The following C12orf50 variants were observed in gnomAD, a reference collection of about 807,000 sequenced individuals.
C12orf50 encodes uncharacterized protein C12orf50.
C12orf50 carries 35 observed loss-of-function variants against 61.6 expected under a neutral mutation model. The observed-to-expected ratio is 0.57, with a 90% confidence interval of 0.43 to 0.75. C12orf50 has a LOEUF of 0.75. Ranked by LOEUF, C12orf50 falls within the 30% of genes least tolerant of loss-of-function variation. C12orf50 has a pLI of 0.00. For missense variants in C12orf50, 475 were observed against 488.5 expected (o/e 0.97, Z 0.26); for synonymous variants, 178 against 161.5 (o/e 1.10, Z -0.77).
At chr12:88,009,164 T>C (rs543523217) in intron 3 of C12orf50, among the ~76,000 whole-genome samples, 1 of 152,232 alleles carries the variant, frequency 6.6e-6, no homozygotes, top group Admixed American at 6.5e-5. Flanking sequence ...GGATATATGC[T>C]TCAAAAGTGG....
intron 3 of C12orf50, among the ~76,000 whole-genome samples, chr12:88,012,341 C>CCATAAATACCATAA (rs1224771301): frequency 6.6e-6 from 1 of 152,144 alleles, no homozygotes; most frequent in Admixed American, 6.5e-5. Context: ...TAAATACCTC[C>CCATAAATACCATAA]ATAGCTAGAA....
At chr12:88,011,861 C>T (rs1258272650) in intron 3 of C12orf50, among the ~76,000 whole-genome samples, 2 of 152,148 alleles carry the variant, frequency 1.3e-5, no homozygotes, top group Admixed American at 6.5e-5. Flanking sequence ...TTCCAGTTTT[C>T]CCTTAAATCA....
intron 3 of C12orf50, among the ~76,000 whole-genome samples, chr12:88,019,137 C>G (rs1274983337): frequency 2.6e-5 from 4 of 152,148 alleles, no homozygotes; most frequent in Non-Finnish European, 5.9e-5. Context: ...TGAATTGTAA[C>G]TCCCACAATT....
intron 3 of C12orf50, among the ~76,000 whole-genome samples, chr12:88,012,252 T>G (rs979600497): frequency 6.6e-6 from 1 of 152,204 alleles, no homozygotes; most frequent in African/African-American, 2.4e-5. Context: ...TTCTATGCTT[T>G]GTCAATTTTC....
chr12:88,022,283 C>T (rs2032544750), intron 3 of C12orf50, among the ~76,000 whole-genome samples: 1 of 151,958 alleles, frequency 6.6e-6, no homozygotes, highest in Admixed American at 6.6e-5. Flanking sequence ...GCAGAAAAGG[C>T]TTTTAATAAA....
chr12:88,018,787 C>G (rs2032406011), intron 3 of C12orf50, among the ~76,000 whole-genome samples: 2 of 152,210 alleles, frequency 1.3e-5, no homozygotes, highest in South Asian at 4.1e-4. Context: ...TAAGATTTGT[C>G]TGCCCTGCTG....
chr12:88,005,867 A>G (rs918071925), intron 3 of C12orf50, among the ~76,000 whole-genome samples: 1 of 146,562 alleles, frequency 6.8e-6, no homozygotes, highest in African/African-American at 2.5e-5. Flanking sequence ...GATCAGAAGT[A>G]GTAGACTAAA....
intron 3 of C12orf50, among the ~76,000 whole-genome samples, chr12:88,021,726 A>C (rs2032524003): frequency 6.6e-6 from 1 of 152,148 alleles, no homozygotes; most frequent in Non-Finnish European, 1.5e-5. Flanking sequence ...CTATGGGTAC[A>C]AACTAGAAAA....
At position 87,985,986 on chromosome 12, in the gene C12orf50, C is replaced by T. The variant is rs2030797601; in HGVS notation, c.990G>A (p.Glu330=). Residue 330 remains glutamate (E), a synonymous_variant, in exon 11 of 13, where the codon GAG becomes GAA. Coordinates refer to ENST00000298699, the MANE Select transcript of C12orf50 (RefSeq NM_152589.3). ...TTTGAACGTGGATATAGGATGCATT[C>T]TCCGCATTTCGATTTTTATTATTGC... ...YHRNNKNRNA[E]NASYIHVQRD... 3 of 1,613,760 alleles carry T rather than the reference C, an allele frequency of 1.9e-6. No homozygotes were observed. Among genetic ancestry groups the T allele is most frequent in the South Asian group, 1.1e-5 (1 of 91,084 alleles).
chr12:88,008,935 T>A (rs187329063), intron 3 of C12orf50, among the ~76,000 whole-genome samples: 1 of 152,176 alleles, frequency 6.6e-6, no homozygotes, highest in Non-Finnish European at 1.5e-5. Flanking sequence ...TTTCTTGCCT[T>A]CTTTCATTTA....
At chr12:88,007,387 T>C (rs556415328) in intron 3 of C12orf50, among the ~76,000 whole-genome samples, 1 of 152,362 alleles carries the variant, frequency 6.6e-6, no homozygotes, top group African/African-American at 2.4e-5. Flanking sequence ...CTTAGTCCAT[T>C]TGTGCTGCTG....
intron 3 of C12orf50, among the ~76,000 whole-genome samples, chr12:88,019,296 G>A (rs1026003903): frequency 6.6e-6 from 1 of 152,154 alleles, no homozygotes; most frequent in African/African-American, 2.4e-5. Flanking sequence ...TTTCTTTGCT[G>A]CTGCCATCCA....
rs992785201 is a variant in C12orf50 at position 87,983,314 on chromosome 12, T to C, written c.1127-119A>G. 7.3e-6 allele frequency: 4 copies of C among 546,390 alleles called. No individual in the cohort carries two copies. The African/African-American group carries it at 7.8e-5, about 11-fold the overall frequency. 33.8% of individuals were successfully genotyped at this position (546,390 alleles called of 1,614,324 possible). The stretch of plus-strand genomic sequence containing the variant: ...ATTCTCTAAGTAATTCATTTTACCA[T>C]TTCAAAGCTAAGGCATCAGGGATAC... On this transcript the variant is annotated intron_variant, in intron 11 of 12. Coordinates refer to ENST00000298699, the MANE Select transcript of C12orf50 (RefSeq NM_152589.3).
At chr12:88,011,085 G>A (rs2032091552) in intron 3 of C12orf50, among the ~76,000 whole-genome samples, 1 of 152,024 alleles carries the variant, frequency 6.6e-6, no homozygotes, top group Admixed American at 6.5e-5. Context: ...CAACTTTGGG[G>A]TGATCACATA....
At chr12:88,028,246 T>C (rs1033834467) in intron 1 of C12orf50, among the ~76,000 whole-genome samples, 1 of 152,200 alleles carries the variant, frequency 6.6e-6, no homozygotes, top group African/African-American at 2.4e-5. Context: ...ACATGAAATC[T>C]GTTATTATTC....
intron 8 of C12orf50, among the ~76,000 whole-genome samples, chr12:87,988,177 T>A (rs756612676): frequency 3.9e-5 from 6 of 152,158 alleles, no homozygotes; most frequent in Non-Finnish European, 8.8e-5. Context: ...ACTCGGAAAC[T>A]ATAGCCATTA....
intron 3 of C12orf50, among the ~76,000 whole-genome samples, chr12:88,011,358 A>C (rs1281965696): frequency 2.6e-5 from 4 of 152,132 alleles, no homozygotes; most frequent in African/African-American, 9.7e-5. Context: ...ACATTCAATA[A>C]TTGGGCTTTA....
intron 3 of C12orf50, among the ~76,000 whole-genome samples, chr12:88,023,334 T>C (rs2032586719): frequency 6.6e-6 from 1 of 152,048 alleles, no homozygotes; most frequent in Non-Finnish European, 1.5e-5. Flanking sequence ...AACCCCTACC[T>C]TATACCACAT....
chr12:88,006,661 T>G, intron 3 of C12orf50, among the ~76,000 whole-genome samples: 1 of 152,142 alleles, frequency 6.6e-6, no homozygotes, highest in East Asian at 1.9e-4. Flanking sequence ...GGATAGAACT[T>G]TTGCTTTATG....
Sources: allele counts gnomAD v4.1 joint callset (sites outside exome capture counted in the v4.1 genomes callset), GRCh38; gene constraint gnomAD v4.1.1; transcripts MANE v1.5; gene names NCBI Gene and HGNC (gene_info 2026-07-23, HGNC 2026-07-21).